TAFA1: variants seen among roughly 807,000 people sequenced by gnomAD.
TAFA1 encodes TAFA chemokine like family member 1, also known as chemokine-like protein TAFA-1.
In TAFA1, 4 loss-of-function variants were observed where a neutral mutation model predicts 18.5. The observed-to-expected ratio is 0.22, with a 90% CI of 0.11 to 0.49. The LOEUF is 0.49. TAFA1 is among the 20% of genes least tolerant of loss of function. The pLI is 0.98. For synonymous variants in TAFA1, 56 were observed against 55.2 expected (o/e 1.01, Z -0.06); for missense variants, 147 against 169.0 (o/e 0.87, Z 0.72).
At chr3:68,429,312 T>C (rs558309162) in intron 3 of TAFA1, among the ~76,000 whole-genome samples, 112 of 152,088 alleles carry the variant, frequency 7.4e-4, no homozygotes, top group Non-Finnish European at 1.3e-3. Context: ...TGCCAGACTC[T>C]GTGTATTGAA....
chr3:68,108,721 C>G (rs2065232099), intron 2 of TAFA1, among the ~76,000 whole-genome samples: 1 of 151,736 alleles, frequency 6.6e-6, no homozygotes. Flanking sequence ...AAAAATATAC[C>G]TAAATGAAAT....
intron 2 of TAFA1, among the ~76,000 whole-genome samples, chr3:68,099,531 C>G (rs1242811872): frequency 6.6e-6 from 1 of 151,844 alleles, no homozygotes; most frequent in African/African-American, 2.4e-5. Flanking sequence ...GTGGAGAACA[C>G]TTATACACTC....
chr3:68,446,792 C>T lies in TAFA1; in HGVS notation c.259+29372C>T, dbSNP rs144955228. ...CACTCTGTCATCTGCATCCAAAGCA[C>T]AGAAACTGAAACAAAGTGTCTATGG... On this transcript the variant is annotated intron_variant, in intron 3 of 4. Transcript: ENST00000478136. 2.0e-4 allele frequency among the ~76,000 whole-genome samples: 31 copies of T among 152,304 alleles called. No homozygotes were observed. In the Middle Eastern group the frequency reaches 0.014, roughly 67 times the overall value.
intron 2 of TAFA1, among the ~76,000 whole-genome samples, chr3:68,289,419 T>G (rs2068071701): frequency 7.2e-6 from 1 of 138,426 alleles, no homozygotes; most frequent in Non-Finnish European, 1.6e-5. Flanking sequence ...ATTATTATTT[T>G]GTAGAAGCAT....
intron 2 of TAFA1, among the ~76,000 whole-genome samples, chr3:68,032,896 T>C (rs1704968216): frequency 6.6e-6 from 1 of 152,190 alleles, no homozygotes; most frequent in Admixed American, 6.6e-5. Context: ...TTCAATTCTT[T>C]TCAGTACTTG....
intron 2 of TAFA1, among the ~76,000 whole-genome samples, chr3:68,144,791 A>G (rs1473544491): frequency 1.3e-5 from 2 of 152,142 alleles, no homozygotes; most frequent in Non-Finnish European, 2.9e-5. Flanking sequence ...TCAGAGTTCA[A>G]CTTAGGGTCA....
chr3:68,086,438 A>G (rs921451728), intron 2 of TAFA1, among the ~76,000 whole-genome samples: 1 of 152,126 alleles, frequency 6.6e-6, no homozygotes, highest in Non-Finnish European at 1.5e-5. Flanking sequence ...TGTATTTTGT[A>G]TGTCTCAATT....
chr3:68,419,287 G>A (rs996309812), intron 3 of TAFA1, among the ~76,000 whole-genome samples: 1 of 152,124 alleles, frequency 6.6e-6, no homozygotes, highest in Non-Finnish European at 1.5e-5. Context: ...ATCATTGTGG[G>A]GCACCATGGA....
At chr3:68,176,005 G>T (rs548332805) in intron 2 of TAFA1, among the ~76,000 whole-genome samples, 28 of 152,254 alleles carry the variant, frequency 1.8e-4, no homozygotes, top group Admixed American at 1.6e-3. Flanking sequence ...GAGTATCCCT[G>T]CACAAGCTTT....
intron 3 of TAFA1, among the ~76,000 whole-genome samples, chr3:68,427,865 A>G (rs2071087580): frequency 6.6e-6 from 1 of 151,912 alleles, no homozygotes; most frequent in African/African-American, 2.4e-5. Context: ...TGATGGTTTT[A>G]TAAAGGGCAA....
In TAFA1 at chr3:68,391,782, G is replaced by T. The variant is rs184355090; in HGVS notation, c.119-25498G>T. 8.0e-3 allele frequency among the ~76,000 whole-genome samples: 1,224 copies of T among 152,104 alleles called. 15 individuals carry two copies. The highest frequency in any genetic ancestry group is 0.028 in the African/African-American group (1,153 of 41,506). ...ACTAAGCTTTATAAGTGAAGGAGAA[G>T]TAAAATCCTTTACAGACAAGCAAAT... On this transcript the variant is annotated intron_variant, in intron 2 of 4. Coordinates refer to ENST00000478136, the MANE Select transcript of TAFA1 (RefSeq NM_213609.4).
chr3:68,045,551 A>G (rs984944554), intron 2 of TAFA1, among the ~76,000 whole-genome samples: 2 of 152,158 alleles, frequency 1.3e-5, no homozygotes, highest in Non-Finnish European at 2.9e-5. Context: ...CTTGGTTTCA[A>G]CATCTGTAGA....
intron 2 of TAFA1, among the ~76,000 whole-genome samples, chr3:68,079,720 G>T (rs540555234): frequency 6.6e-6 from 1 of 152,120 alleles, no homozygotes; most frequent in Non-Finnish European, 1.5e-5. Flanking sequence ...GCTGAGGAGA[G>T]CTTTACTTCC....
At chr3:68,433,686 C>A (rs555330853) in intron 3 of TAFA1, among the ~76,000 whole-genome samples, 3 of 152,194 alleles carry the variant, frequency 2.0e-5, no homozygotes, top group African/African-American at 7.2e-5. Context: ...TGTTCCAATT[C>A]CAGCTCTACT....
intron 3 of TAFA1, among the ~76,000 whole-genome samples, chr3:68,479,238 A>AAAG (rs1553695298): frequency 7.5e-6 from 1 of 132,732 alleles, no homozygotes; most frequent in Non-Finnish European, 1.6e-5. Context: ...TCAAAAAAAA[A>AAAG]AAAATATATA....
intron 2 of TAFA1, among the ~76,000 whole-genome samples, chr3:68,076,022 G>C (rs1166915669): frequency 2.0e-5 from 3 of 152,098 alleles, no homozygotes; most frequent in African/African-American, 4.8e-5. Context: ...ATAGGAAAAA[G>C]AAATCCATCC....
intron 2 of TAFA1, among the ~76,000 whole-genome samples, chr3:68,151,052 G>A (rs1290468779): frequency 1.3e-5 from 2 of 151,402 alleles, no homozygotes; most frequent in Non-Finnish European, 2.9e-5. Flanking sequence ...ACTCAGGATG[G>A]CCATCCTGAG....
At chr3:68,035,078 TG>T (rs1019836014) in intron 2 of TAFA1, among the ~76,000 whole-genome samples, 1 of 152,202 alleles carries the variant, frequency 6.6e-6, no homozygotes, top group Non-Finnish European at 1.5e-5. Context: ...GTCACCACTT[TG>T]GCCTTTTAAA....
chr3:68,061,413 C>T (rs532383496), intron 2 of TAFA1, among the ~76,000 whole-genome samples: 21 of 152,146 alleles, frequency 1.4e-4, no homozygotes, highest in South Asian at 2.1e-4. Context: ...GAAAGGAGAC[C>T]GAGTGCATTC....
Sources: gnomAD v4.1 joint callset for allele counts (sites outside exome capture counted in the v4.1 genomes callset) on GRCh38, gnomAD v4.1.1 for gene constraint, MANE v1.5 for transcripts, NCBI Gene and HGNC (gene_info 2026-07-23, HGNC 2026-07-21) for gene names.